Variants in FARSB observed in about 807,000 individuals in gnomAD.
FARSB encodes the protein phenylalanyl-tRNA synthetase subunit beta.
A neutral mutation model predicts 69.6 loss-of-function variants in FARSB; 40 were observed. That is an observed-to-expected ratio of 0.57 (90% confidence interval 0.45 to 0.75). FARSB has a LOEUF of 0.75. Ranked by LOEUF, FARSB falls within the 30% of genes least tolerant of loss-of-function variation. FARSB has a pLI of 0.00. For missense variants in FARSB, 632 were observed against 722.9 expected (o/e 0.87, Z 1.44); for synonymous variants, 235 against 247.2 (o/e 0.95, Z 0.46).
chr2:222,635,144 G>C (rs1359077906), intron 5 of FARSB, among the ~76,000 whole-genome samples: 1 of 152,074 alleles, frequency 6.6e-6, no homozygotes, highest in Non-Finnish European at 1.5e-5. Flanking sequence ...GGTAATTTTA[G>C]GAAATTACAG....
intron 5 of FARSB, 58 bp from the exon 6 acceptor site, chr2:222,634,599 C>A (rs1691529186): frequency 7.1e-7 from 1 of 1,399,638 alleles, no homozygotes; most frequent in South Asian, 1.4e-5. Context: ...GAGAATGAGA[C>A]AGATTTGAAT....
intron 16 of FARSB, among the ~76,000 whole-genome samples, chr2:222,581,040 G>C (rs577207009): frequency 2.0e-5 from 3 of 152,128 alleles, no homozygotes; most frequent in Non-Finnish European, 4.4e-5. Context: ...GAGCCAACAG[G>C]TGCTCAGATG....
chr2:222,602,715 T>C (rs1004472732), intron 15 of FARSB, among the ~76,000 whole-genome samples: 20 of 152,118 alleles, frequency 1.3e-4, no homozygotes, highest in African/African-American at 4.8e-4. Flanking sequence ...GTTGGTGTGC[T>C]GCACCCATTA....
rs146675632 is a variant in FARSB, at chr2:222,599,808, G to A, written c.1618+120C>T. On this transcript the variant is annotated intron_variant, in intron 16 of 16. Coordinates refer to ENST00000281828, the MANE Select transcript of FARSB (RefSeq NM_005687.5). ...TTCTGGATAATATTGACAATTAATT[G>A]AAATAAAACTCTCCCTTTCTTTCTA... 6 of 755,952 alleles carry A rather than the reference G, an allele frequency of 7.9e-6. No homozygotes were observed. The East Asian group carries it at 1.6e-4, about 20-fold the overall frequency. 46.8% of individuals were successfully genotyped at this position (755,952 alleles called of 1,614,324 possible). A position where few individuals can be genotyped will look rare whatever the true frequency, so the allele number is the denominator to read the frequency against.
intron 15 of FARSB, among the ~76,000 whole-genome samples, chr2:222,608,766 A>G (rs1236734671): frequency 6.6e-6 from 1 of 152,248 alleles, no homozygotes; most frequent in East Asian, 1.9e-4. Context: ...GGACTACAGC[A>G]ATGCTTTAGA....
rs747997936 is a variant in FARSB, at chr2:222,624,396, A to G, written c.1046T>C (p.Ile349Thr). 7 of 1,611,898 alleles carry G rather than the reference A, an allele frequency of 4.3e-6. No homozygotes were observed. The highest frequency in any genetic ancestry group is 3.3e-5 in the Admixed American group (2 of 59,994). ...GTCAGCTCTGGTTGGAGGGATTTCA[A>G]TCTCAATCTGATTCCCATCACCTAT... ...EVIGDGNQIEIEIPPTRADII... is the reference protein window; with the variant it reads ...EVIGDGNQIETEIPPTRADII... The change falls in exon 12 of 17, where the codon ATT becomes ACT. Residue 349 changes from isoleucine (I) to threonine (T), a missense_variant. Ile to Thr is a moderately conservative substitution (Grantham distance 89, BLOSUM62 -1). Transcript: ENST00000281828.
At chr2:222,613,559 T>C (rs933843558) in intron 15 of FARSB, among the ~76,000 whole-genome samples, 30 of 151,978 alleles carry the variant, frequency 2.0e-4, no homozygotes. Flanking sequence ...AAAAAATAAA[T>C]AAATAAATAC....
chr2:222,582,990 A>G (rs1690012537), intron 16 of FARSB, among the ~76,000 whole-genome samples: 1 of 152,196 alleles, frequency 6.6e-6, no homozygotes, highest in Non-Finnish European at 1.5e-5. Context: ...CACTAAAGAA[A>G]AAGAGATAAA....
intron 7 of FARSB, among the ~76,000 whole-genome samples, chr2:222,632,840 C>CAA (rs780438070): frequency 1.6e-5 from 2 of 123,858 alleles, no homozygotes; most frequent in African/African-American, 3.0e-5. Flanking sequence ...ACAACAACAA[C>CAA]AAAAAAAAAA....
At position 222,611,551 on chromosome 2, in the gene FARSB, G is replaced by A. The variant is rs575132982; in HGVS notation, c.1462+2260C>T. 1.5e-4 allele frequency among the ~76,000 whole-genome samples: 23 copies of A among 152,154 alleles called. No homozygotes were observed. In the East Asian group the frequency reaches 2.9e-3, roughly 19 times the overall value. On this transcript the variant is annotated intron_variant, in intron 15 of 16. Transcript: ENST00000281828. ...TAGACTCAACCTTCTGGGCTCAAAA[G>A]GTTCTCCCACCTTGGCCTCCCAAAG...
intron 6 of FARSB, 70 bp from the exon 7 acceptor site, chr2:222,633,377 A>T: frequency 1.4e-6 from 1 of 737,892 alleles, no homozygotes. Context: ...TCACATACTG[A>T]CCTAATATTA....
At chr2:222,648,102 G>C (rs1311226490) in intron 2 of FARSB, among the ~76,000 whole-genome samples, 1 of 152,108 alleles carries the variant, frequency 6.6e-6, no homozygotes, top group African/African-American at 2.4e-5. Context: ...GAAGGACTCA[G>C]ACCCCCAACC....
rs1370103789 is a variant in FARSB, at chr2:222,633,681, T to C, written c.607-374A>G. 1.9e-4 allele frequency among the ~76,000 whole-genome samples: 5 copies of C among 26,334 alleles called. No individual in the cohort carries two copies. In the East Asian group the frequency reaches 3.2e-3, roughly 17 times the overall value. 17.3% of individuals were successfully genotyped at this position (26,334 alleles called of 152,430 possible). A position where few individuals can be genotyped will look rare whatever the true frequency, so the allele number is the denominator to read the frequency against. Reference sequence around the variant, plus strand: ...TGGGCAACAAGAGCGAAACTCCGTCTCAAAAAAAAAAAAAAAAAAAAAGGA... The same window carrying C: ...TGGGCAACAAGAGCGAAACTCCGTCCCAAAAAAAAAAAAAAAAAAAAAGGA... On this transcript the variant is annotated intron_variant, in intron 6 of 16. Transcript: ENST00000281828.
intron 5 of FARSB, among the ~76,000 whole-genome samples, chr2:222,638,424 C>G (rs974739534): frequency 6.6e-6 from 1 of 152,214 alleles, no homozygotes; most frequent in Non-Finnish European, 1.5e-5. Context: ...TAATCTGGCT[C>G]AACCACTTAA....
intron 10 of FARSB, among the ~76,000 whole-genome samples, chr2:222,626,985 G>T (rs1354654910): frequency 6.6e-6 from 1 of 152,142 alleles, no homozygotes; most frequent in Non-Finnish European, 1.5e-5. Flanking sequence ...GCAGTGAGCC[G>T]AGATCGCGCC....
In FARSB at chr2:222,571,076, T is replaced by TTAAG. The variant is rs1483406750; in HGVS notation, c.*791_*794dup. ...GACAATAGAGAAACTAGTAGCTCAA[T>TTAAG]TAAGTATTTAAAACCATGATTTTAT... On this transcript the variant is annotated 3_prime_UTR_variant, in exon 17 of 17. Transcript: ENST00000281828. 3.3e-5 allele frequency: 5 copies of TTAAG among 152,206 alleles called. No homozygotes were observed. Among genetic ancestry groups the TTAAG allele is most frequent in the Non-Finnish European group, 7.3e-5 (5 of 68,028 alleles). The allele number at this position is 152,206 out of a possible 1,614,324, so 9.4% of individuals were successfully genotyped here.
At chr2:222,610,069 T>C (rs1159846383) in intron 15 of FARSB, among the ~76,000 whole-genome samples, 1 of 152,208 alleles carries the variant, frequency 6.6e-6, no homozygotes, top group East Asian at 1.9e-4. Context: ...CACAGGTTTG[T>C]CTCCCTTAAG....
chr2:222,593,109 A>C (rs1431633572), intron 16 of FARSB, among the ~76,000 whole-genome samples: 1 of 152,178 alleles, frequency 6.6e-6, no homozygotes, highest in East Asian at 1.9e-4. Context: ...CCTGCAGATA[A>C]GAGGAGACTA....
At chr2:222,592,888 T>C (rs1403416304) in intron 16 of FARSB, among the ~76,000 whole-genome samples, 2 of 152,006 alleles carry the variant, frequency 1.3e-5, no homozygotes, top group East Asian at 3.9e-4. Flanking sequence ...CTCTTCTGAG[T>C]AGCATGATGA....
Sources: allele counts gnomAD v4.1 joint callset (sites outside exome capture counted in the v4.1 genomes callset), GRCh38; gene constraint gnomAD v4.1.1; transcripts MANE v1.5; gene names NCBI Gene and HGNC (gene_info 2026-07-23, HGNC 2026-07-21).